The following USH2A variants were observed in gnomAD, a reference collection of about 807,000 sequenced individuals.
USH2A encodes Usher syndrome 2A (autosomal recessive, mild).
USH2A carries 443 observed loss-of-function variants against 538.9 expected under a neutral mutation model. The observed-to-expected ratio is 0.82, with a 90% CI of 0.76 to 0.89. The LOEUF is 0.89. USH2A is among the 40% of genes least tolerant of loss of function. The probability of loss-of-function intolerance (pLI) is 0.00; values close to 1 mark genes in which losing one functional copy is unlikely to be tolerated. For synonymous variants in USH2A, 2,413 were observed against 2,273.5 expected (o/e 1.06, Z -1.75); for missense variants, 6,633 against 6,324.8 (o/e 1.05, Z -1.65).
rs199801508 is a variant in USH2A, at chr1:216,177,796, T to C, written c.4397-2314A>G. The stretch of plus-strand genomic sequence containing the variant: ...GGTTTGTTTTGGTTTGATTTTTTTT[T>C]CCCTTAAACAGTTGAGTTTGTGAGC... On this transcript the variant is annotated intron_variant, in intron 20 of 71. Transcript: ENST00000307340. Among the ~76,000 whole-genome samples, 24 of 152,310 alleles carry C rather than the reference T, an allele frequency of 1.6e-4. No homozygotes were observed. In the East Asian group the frequency reaches 3.1e-3, roughly 20 times the overall value.
Position 215,625,199 on chromosome 1 carries a change from A to C in USH2A, c.*582T>G, listed in dbSNP as rs1655971479. ...AACCCTATGTATTGTAAATAAATAG[A>C]ACCTTCAGCCTTGTCAAAAAGTTTG... On this transcript the variant is annotated 3_prime_UTR_variant, in exon 72 of 72. Coordinates refer to ENST00000307340, the MANE Select transcript of USH2A (RefSeq NM_206933.4). 1 of 157,940 alleles carries C rather than the reference A, an allele frequency of 6.3e-6. No individual in the cohort carries two copies. Among genetic ancestry groups the C allele is most frequent in the South Asian group, 1.9e-4 (1 of 5,218 alleles). The allele number at this position is 157,940 out of a possible 1,614,324, so 9.8% of individuals were successfully genotyped here. A position where few individuals can be genotyped will look rare whatever the true frequency, so the allele number is the denominator to read the frequency against.
intron 11 of USH2A, among the ~76,000 whole-genome samples, chr1:216,260,789 C>T (rs945400267): frequency 2.6e-5 from 4 of 152,114 alleles, no homozygotes; most frequent in African/African-American, 9.7e-5. Flanking sequence ...GGAAGAGGCA[C>T]AAGGTAGACA....
At chr1:216,356,668 G>A (rs751133746) in intron 4 of USH2A, among the ~76,000 whole-genome samples, 1 of 152,024 alleles carries the variant, frequency 6.6e-6, no homozygotes, top group Non-Finnish European at 1.5e-5. Context: ...TCTTGATGGT[G>A]TATACTATTC....
chr1:215,641,320 C>T (rs985349470), intron 67 of USH2A, among the ~76,000 whole-genome samples: 3 of 152,090 alleles, frequency 2.0e-5, no homozygotes, highest in Non-Finnish European at 4.4e-5. Flanking sequence ...GTTAAAAAGC[C>T]TTGCAAACAG....
chr1:215,676,453 T>A (rs563416607), intron 62 of USH2A, among the ~76,000 whole-genome samples: 12 of 152,260 alleles, frequency 7.9e-5, no homozygotes. Context: ...CTGAGAGAGA[T>A]GACACACTCC....
At chr1:215,723,541 T>C (rs146252454) in intron 61 of USH2A, among the ~76,000 whole-genome samples, 11 of 152,326 alleles carry the variant, frequency 7.2e-5, no homozygotes, top group African/African-American at 2.4e-4. Context: ...AGATGAGATC[T>C]TAATAAACAA....
intron 21 of USH2A, among the ~76,000 whole-genome samples, chr1:216,150,050 C>G (rs2033802401): frequency 6.6e-6 from 1 of 152,088 alleles, no homozygotes; most frequent in African/African-American, 2.4e-5. Context: ...TCTGTTCGTC[C>G]TTACCCTACT....
intron 30 of USH2A, among the ~76,000 whole-genome samples, chr1:216,052,085 G>A (rs915661319): frequency 2.0e-5 from 3 of 152,128 alleles, no homozygotes; most frequent in Non-Finnish European, 4.4e-5. Context: ...TGTATAGTGA[G>A]AGTCTTTTAT....
At chr1:215,917,237 G>A (rs546247900) in intron 38 of USH2A, among the ~76,000 whole-genome samples, 10 of 151,788 alleles carry the variant, frequency 6.6e-5, no homozygotes, top group East Asian at 5.8e-4. Context: ...CTTTGCTTTC[G>A]ACATTTGAAT....
At chr1:216,381,695 CATT>C (rs1213775045) in intron 3 of USH2A, among the ~76,000 whole-genome samples, 3 of 152,184 alleles carry the variant, frequency 2.0e-5, no homozygotes, top group Non-Finnish European at 4.4e-5. Flanking sequence ...GCAGCGGTCT[CATT>C]AATTTACTTC....
intron 32 of USH2A, among the ~76,000 whole-genome samples, chr1:216,013,279 A>C: frequency 1.4e-5 from 2 of 146,658 alleles, no homozygotes; most frequent in Non-Finnish European, 1.5e-5. Context: ...CCTTACCACA[A>C]GACCTCCCTT....
intron 49 of USH2A, among the ~76,000 whole-genome samples, chr1:215,800,223 A>G (rs1662283837): frequency 6.6e-6 from 1 of 151,982 alleles, no homozygotes; most frequent in Non-Finnish European, 1.5e-5. Flanking sequence ...TCTCTATCTC[A>G]TGACCCCACT....
At chr1:216,105,899 GT>G (rs1275072560) in intron 21 of USH2A, among the ~76,000 whole-genome samples, 4 of 151,486 alleles carry the variant, frequency 2.6e-5, no homozygotes, top group Non-Finnish European at 4.4e-5. Context: ...TTTATTGCTA[GT>G]ATGTTCAATT....
chr1:216,306,207 A>AT (rs561636030), intron 9 of USH2A, among the ~76,000 whole-genome samples: 17 of 149,236 alleles, frequency 1.1e-4, no homozygotes, highest in East Asian at 7.9e-4. Context: ...TGTTCATTTA[A>AT]TTTTTTTTTT....
At chr1:215,914,209 A>G (rs1280332912) in intron 38 of USH2A, among the ~76,000 whole-genome samples, 1 of 151,410 alleles carries the variant, frequency 6.6e-6, no homozygotes, top group African/African-American at 2.4e-5. Flanking sequence ...GAGTAGCAAC[A>G]GACTTTTTTT....
intron 35 of USH2A, among the ~76,000 whole-genome samples, chr1:215,987,396 G>A (rs1667896690): frequency 6.6e-6 from 1 of 152,182 alleles, no homozygotes; most frequent in African/African-American, 2.4e-5. Flanking sequence ...GGTTCCTATA[G>A]ACCTTGGACC....
chr1:215,753,579 C>T (rs1571651568), intron 58 of USH2A, among the ~76,000 whole-genome samples: 1 of 151,884 alleles, frequency 6.6e-6, no homozygotes, highest in Admixed American at 6.6e-5. Flanking sequence ...CCAAACACCA[C>T]ATGTTCTCAC....
At chr1:216,205,176 AC>A (rs1258501301) in intron 16 of USH2A, among the ~76,000 whole-genome samples, 3 of 152,164 alleles carry the variant, frequency 2.0e-5, no homozygotes, top group Admixed American at 1.3e-4. Flanking sequence ...AAGTAGGGTG[AC>A]CCTAATTCAC....
intron 32 of USH2A, among the ~76,000 whole-genome samples, chr1:216,003,451 TA>T (rs1336227845): frequency 5.9e-5 from 9 of 152,094 alleles, no homozygotes; most frequent in Non-Finnish European, 1.3e-4. Flanking sequence ...TGGGTAATTT[TA>T]ATAGTTAAGA....
Sources: gnomAD v4.1 joint callset for allele counts (sites outside exome capture counted in the v4.1 genomes callset) on GRCh38, gnomAD v4.1.1 for gene constraint, MANE v1.5 for transcripts, NCBI Gene and HGNC (gene_info 2026-07-23, HGNC 2026-07-21) for gene names.